ARB2A: variants seen among roughly 807,000 people sequenced by gnomAD.
The protein encoded by ARB2A is cotranscriptional regulator ARB2A.
the ARB2A span, among the ~76,000 whole-genome samples, chr5:93,802,230 G>A: frequency 6.6e-6 from 1 of 152,026 alleles, no homozygotes; most frequent in Non-Finnish European, 1.5e-5. Context: ...TCTAGAGAGT[G>A]ATATATGTGC....
At chr5:93,741,670 G>C in the ARB2A span, 1 of 1,329,650 alleles carries the variant, frequency 7.5e-7, no homozygotes, top group Non-Finnish European at 1.0e-6. Flanking sequence ...CGGAGAAGGC[G>C]TTACAAGCCA....
the ARB2A span, among the ~76,000 whole-genome samples, chr5:93,644,818 A>G: frequency 2.6e-5 from 4 of 152,206 alleles, no homozygotes; most frequent in Non-Finnish European, 5.9e-5. Context: ...GTGATATGAT[A>G]TGAAGCAGTT....
the ARB2A span, among the ~76,000 whole-genome samples, chr5:94,027,327 G>A: frequency 6.6e-6 from 1 of 152,196 alleles, no homozygotes; most frequent in African/African-American, 2.4e-5. Context: ...AAGCCCTTAG[G>A]TAATGGGGGC....
At chr5:93,830,929 T>G in the ARB2A span, among the ~76,000 whole-genome samples, 1 of 152,166 alleles carries the variant, frequency 6.6e-6, no homozygotes, top group Admixed American at 6.5e-5. Flanking sequence ...GGTGGTCCTC[T>G]CTGGGGGTGA....
chr5:93,797,265 A>T, the ARB2A span, among the ~76,000 whole-genome samples: 2 of 152,138 alleles, frequency 1.3e-5, no homozygotes, highest in Non-Finnish European at 2.9e-5. Context: ...AGGCTACTTT[A>T]AAAAATTCCA....
At chr5:93,812,467 A>G in the ARB2A span, among the ~76,000 whole-genome samples, 9 of 152,144 alleles carry the variant, frequency 5.9e-5, no homozygotes, top group Admixed American at 3.9e-4. Flanking sequence ...TTATACTTAT[A>G]AAGAATCCCA....
the ARB2A span, among the ~76,000 whole-genome samples, chr5:94,101,712 G>A: frequency 6.6e-6 from 1 of 152,126 alleles, no homozygotes; most frequent in African/African-American, 2.4e-5. Flanking sequence ...CTGACTGCAT[G>A]TTCTCACTTG....
At chr5:93,845,579 C>T in the ARB2A span, among the ~76,000 whole-genome samples, 2 of 152,296 alleles carry the variant, frequency 1.3e-5, no homozygotes, top group African/African-American at 2.4e-5. Flanking sequence ...CTAACTTGTG[C>T]TGGCACAATC....
At chr5:93,634,710 T>C in the ARB2A span, among the ~76,000 whole-genome samples, 1 of 152,206 alleles carries the variant, frequency 6.6e-6, no homozygotes, top group South Asian at 2.1e-4. Flanking sequence ...TGTAGCTGAC[T>C]TGGCCGAACT....
At chr5:94,024,106 G>A in the ARB2A span, among the ~76,000 whole-genome samples, 1 of 152,060 alleles carries the variant, frequency 6.6e-6, no homozygotes, top group Non-Finnish European at 1.5e-5. Context: ...TATATGTGAT[G>A]GTTAATTTTA....
At chr5:93,777,143 C>T in the ARB2A span, among the ~76,000 whole-genome samples, 3 of 118,814 alleles carry the variant, frequency 2.5e-5, no homozygotes, top group South Asian at 2.6e-4. Flanking sequence ...GAACATCACA[C>T]TCTGGGGACT....
chr5:94,074,772 A>G, the ARB2A span: 4 of 1,572,362 alleles, frequency 2.5e-6, no homozygotes, highest in Admixed American at 3.5e-5. Flanking sequence ...AAGACAGTCT[A>G]GAATGAATGA....
At chr5:93,767,732 C>G in the ARB2A span, among the ~76,000 whole-genome samples, 1 of 152,016 alleles carries the variant, frequency 6.6e-6, no homozygotes, top group East Asian at 1.9e-4. Context: ...CGTTGGCTCA[C>G]GTCTGTAATC....
At chr5:94,041,806 G>A in the ARB2A span, among the ~76,000 whole-genome samples, 1 of 152,132 alleles carries the variant, frequency 6.6e-6, no homozygotes, top group African/African-American at 2.4e-5. Flanking sequence ...CCTGGGAAAT[G>A]TGGAGTTAGC....
chr5:93,929,209 T>C, the ARB2A span, among the ~76,000 whole-genome samples: 1 of 152,090 alleles, frequency 6.6e-6, no homozygotes, highest in African/African-American at 2.4e-5. Context: ...TAGAACTAAT[T>C]ACCTTTAAAT....
At chr5:93,938,020 C>A in the ARB2A span, among the ~76,000 whole-genome samples, 1 of 152,040 alleles carries the variant, frequency 6.6e-6, no homozygotes, top group Non-Finnish European at 1.5e-5. Flanking sequence ...AGATGCAAAA[C>A]CCATGGAAAC....
At chr5:93,783,207 C>T in the ARB2A span, among the ~76,000 whole-genome samples, 6 of 152,064 alleles carry the variant, frequency 3.9e-5, no homozygotes, top group Non-Finnish European at 8.8e-5. Flanking sequence ...ACTAACAGCT[C>T]ATTTATTAAC....
chr5:93,743,928 G>A, the ARB2A span, among the ~76,000 whole-genome samples: 1 of 152,046 alleles, frequency 6.6e-6, no homozygotes, highest in Non-Finnish European at 1.5e-5. Flanking sequence ...GGCCTCCCAA[G>A]GTGTTGGGAT....
the ARB2A span, among the ~76,000 whole-genome samples, chr5:94,024,766 T>C: frequency 1.3e-5 from 2 of 152,132 alleles, no homozygotes; most frequent in Non-Finnish European, 2.9e-5. Flanking sequence ...TGAATAAATA[T>C]TCTGCAAGCA....
Sources: allele counts gnomAD v4.1 joint callset (sites outside exome capture counted in the v4.1 genomes callset), GRCh38; gene constraint gnomAD v4.1.1; transcripts MANE v1.5; gene names NCBI Gene and HGNC (gene_info 2026-07-23, HGNC 2026-07-21).